LAMA3: variants seen among roughly 807,000 people sequenced by gnomAD.
LAMA3 encodes the protein laminin subunit alpha 3, also known as laminin subunit alpha-3.
Under a neutral mutation model 402.0 loss-of-function variants are expected in LAMA3, and 281 were observed. The observed-to-expected ratio is 0.70, with a 90% confidence interval of 0.63 to 0.77. The LOEUF is 0.77. LAMA3 is among the 30% of genes least tolerant of loss of function. The pLI is 0.00. For synonymous variants in LAMA3, 1,431 were observed against 1,558.4 expected (o/e 0.92, Z 1.93); for missense variants, 3,840 against 4,215.5 (o/e 0.91, Z 2.47).
chr18:23,816,911 A>T (rs2144351407), intron 18 of LAMA3, among the ~76,000 whole-genome samples: 1 of 152,110 alleles, frequency 6.6e-6, no homozygotes, highest in Admixed American at 6.5e-5. Flanking sequence ...AAAGGGAATA[A>T]GAGGGGGCAG....
At chr18:23,836,106 TACACACACACACAC>T (rs10569981) in intron 24 of LAMA3, among the ~76,000 whole-genome samples, 6 of 148,158 alleles carry the variant, frequency 4.0e-5, no homozygotes, top group East Asian at 2.0e-4. Flanking sequence ...TTTTAATGGA[TACACACACACACAC>T]ACACACACAC....
intron 41 of LAMA3, among the ~76,000 whole-genome samples, chr18:23,885,681 T>C (rs1383739080): frequency 1.3e-5 from 2 of 152,088 alleles, no homozygotes; most frequent in Non-Finnish European, 2.9e-5. Context: ...AGTAACAGTA[T>C]GAAAAATGAA....
chr18:23,864,870 A>T lies in LAMA3; in HGVS notation c.4670A>T (p.Asp1557Val). 6.2e-7 allele frequency: 1 copy of T among 1,612,034 alleles called. No individual in the cohort carries two copies. The highest frequency in any genetic ancestry group is 1.7e-5 in the Admixed American group (1 of 60,012). ...ATGGTTCTTCTGGAAAAGAAGCCGGATGTACAGCTCACTGTAGGTATCAGA... is the reference window on the plus strand; with the variant it reads ...ATGGTTCTTCTGGAAAAGAAGCCGGTTGTACAGCTCACTGTAGGTATCAGA... ...GDMVLLEKKP[D>V]VQLTGQHMSI... Residue 1557 changes from aspartate (D) to valine (V), a missense_variant, in exon 36 of 75, where the codon GAT becomes GTT. By Grantham distance (152) the Asp-to-Val change is radical. Transcript: ENST00000313654.
chr18:23,797,878 T>G (rs1042081636), intron 12 of LAMA3, among the ~76,000 whole-genome samples: 7 of 152,232 alleles, frequency 4.6e-5, no homozygotes. Context: ...TTTGACTCAC[T>G]GAAGTGCCCT....
rs895095930 is a variant in LAMA3, at chr18:23,951,715, G to T, written c.9674G>T (p.Gly3225Val). 6.2e-7 allele frequency: 1 copy of T among 1,614,016 alleles called. No homozygotes were observed. The highest frequency in any genetic ancestry group is 1.3e-5 in the African/African-American group (1 of 75,018). Residue 3225 changes from glycine to valine, a missense_variant, in exon 73 of 75, where the codon GGG (glycine) becomes GTG (valine). Coordinates refer to ENST00000313654, the MANE Select transcript of LAMA3 (RefSeq NM_198129.4). ...VTASMDSGAG[G>V]TSTSVTPKQS... is the part of the protein sequence containing the mutation. ...GCCTCTATGGACAGTGGGGCAGGTG[G>T]GACCTCAACGTCGGTCACACCAAAG...
At chr18:23,712,928 C>T (rs2061023430) in intron 1 of LAMA3, among the ~76,000 whole-genome samples, 1 of 151,722 alleles carries the variant, frequency 6.6e-6, no homozygotes, top group South Asian at 2.1e-4. Context: ...AAGTCCATCC[C>T]TGGGAAGCAT....
chr18:23,841,971 G>A (rs975531911), intron 27 of LAMA3, among the ~76,000 whole-genome samples: 18 of 152,006 alleles, frequency 1.2e-4, no homozygotes, highest in African/African-American at 4.1e-4. Context: ...ATTATGCATA[G>A]CACAGTTATG....
At chr18:23,907,723 A>G (rs892000223) in intron 53 of LAMA3, 33 bp from the exon 54 acceptor site, 3 of 1,613,718 alleles carry the variant, frequency 1.9e-6, no homozygotes, top group Non-Finnish European at 2.5e-6. Flanking sequence ...AACGTTTTAG[A>G]TACTTATACC....
rs762982132 is a variant in LAMA3, at chr18:23,864,848, G to C, written c.4648G>C (p.Val1550Leu). 6.2e-7 allele frequency: 1 copy of C among 1,613,770 alleles called. No individual in the cohort carries two copies. The highest frequency in any genetic ancestry group is 2.2e-5 in the East Asian group (1 of 44,876). Residue 1550 changes from valine (V) to leucine (L), a missense_variant, in exon 36 of 75, where the codon GTT (valine) becomes CTT (leucine). By Grantham distance (32) the Val-to-Leu change is conservative. This residue lies in a region of LAMA3 where 2,109 missense variants were observed against 2,376.0 expected (regional missense o/e 0.89). Coordinates refer to ENST00000313654, the MANE Select transcript of LAMA3 (RefSeq NM_198129.4). ...AKSFGLPGDM[V>L]LLEKKPDVQL... ...GTCCTTTGGCTTGCCTGGCGACATG[G>C]TTCTTCTGGAAAAGAAGCCGGATGT...
Position 23,858,562 on chromosome 18 carries a change from C to T in LAMA3, c.4282-127C>T, listed in dbSNP as rs1023228129. 3 of 863,354 alleles carry T rather than the reference C, an allele frequency of 3.5e-6. No individual in the cohort carries two copies. The African/African-American group carries it at 5.0e-5, about 14-fold the overall frequency. The allele number at this position is 863,354 out of a possible 1,614,324, so 53.5% of individuals were successfully genotyped here. A position where few individuals can be genotyped will look rare whatever the true frequency, so the allele number is the denominator to read the frequency against. On this transcript the variant is annotated intron_variant, in intron 33 of 74. Coordinates refer to ENST00000313654, the MANE Select transcript of LAMA3 (RefSeq NM_198129.4). Reference sequence around the variant, plus strand: ...GATGAAAGCTTAATAATTAACATCTCTTTTAATGTTTTGCTCACATCCTCA... The same window carrying T: ...GATGAAAGCTTAATAATTAACATCTTTTTTAATGTTTTGCTCACATCCTCA...
rs1269839637 is a variant in LAMA3 at position 23,909,072 on chromosome 18, A to C, written c.7016-81A>C. ...CTGGGGACCAAACATGCCACTTGAC[A>C]AATACTGTCAGTAAGAACATTTGTA... On this transcript the variant is annotated intron_variant, in intron 54 of 74. Transcript: ENST00000313654. 8 of 1,385,642 alleles carry C rather than the reference A, an allele frequency of 5.8e-6. No individual in the cohort carries two copies. The Admixed American group carries it at 1.3e-4, about 23-fold the overall frequency. 85.8% of individuals were successfully genotyped at this position (1,385,642 alleles called of 1,614,324 possible).
chr18:23,773,810 G>A (rs1360931064), intron 9 of LAMA3, among the ~76,000 whole-genome samples: 4 of 152,194 alleles, frequency 2.6e-5, no homozygotes, highest in Non-Finnish European at 4.4e-5. Flanking sequence ...TAAATAAAAT[G>A]CAATCAAAAG....
intron 68 of LAMA3, among the ~76,000 whole-genome samples, chr18:23,940,939 C>CTTTTT (rs370811901): frequency 7.5e-6 from 1 of 133,256 alleles, no homozygotes; most frequent in Non-Finnish European, 1.6e-5. Context: ...TCTTTCTTTT[C>CTTTTT]TTTTTTTTTT....
chr18:23,715,063 A>G (rs1350683959), intron 2 of LAMA3, among the ~76,000 whole-genome samples: 1 of 152,210 alleles, frequency 6.6e-6, no homozygotes, highest in Non-Finnish European at 1.5e-5. Flanking sequence ...AGGCAAATCT[A>G]TAGAGAGAAA....
At chr18:23,946,558 C>T in intron 70 of LAMA3, 1 of 449,444 alleles carries the variant, frequency 2.2e-6, no homozygotes, top group Non-Finnish European at 4.0e-6. Flanking sequence ...TTGGCTTCTC[C>T]TCCAGGGAAT....
chr18:23,790,174 C>T (rs1033500066), intron 12 of LAMA3, among the ~76,000 whole-genome samples: 1 of 152,186 alleles, frequency 6.6e-6, no homozygotes, highest in Non-Finnish European at 1.5e-5. Context: ...CCCTTCATCA[C>T]CTAGTGATCT....
chr18:23,885,644 A>C (rs777010731), intron 41 of LAMA3, among the ~76,000 whole-genome samples: 1 of 152,134 alleles, frequency 6.6e-6, no homozygotes, highest in Non-Finnish European at 1.5e-5. Context: ...AACCTAGCTG[A>C]GAAGAAAGCA....
intron 31 of LAMA3, among the ~76,000 whole-genome samples, chr18:23,846,718 C>T (rs1488283126): frequency 3.9e-5 from 6 of 152,164 alleles, no homozygotes; most frequent in Non-Finnish European, 7.4e-5. Context: ...GTCCATGGAC[C>T]GCACTCTAAG....
intron 55 of LAMA3, among the ~76,000 whole-genome samples, chr18:23,909,651 C>G (rs945226625): frequency 6.6e-5 from 10 of 152,198 alleles, no homozygotes; most frequent in African/African-American, 2.4e-4. Context: ...AGGACCTACC[C>G]TCCTATTGTA....
Sources: allele counts gnomAD v4.1 joint callset (sites outside exome capture counted in the v4.1 genomes callset), GRCh38; gene constraint gnomAD v4.1.1; regional missense constraint gnomAD v4.1.1; transcripts MANE v1.5; gene names NCBI Gene and HGNC (gene_info 2026-07-23, HGNC 2026-07-21).